The following BPIFB3 variants were observed in gnomAD, a reference collection of about 807,000 sequenced individuals.
BPIFB3 encodes BPI fold-containing family B member 3.
BPIFB3 carries 49 observed loss-of-function variants against 53.1 expected under a neutral mutation model. That is an observed-to-expected ratio of 0.92 (90% confidence interval 0.73 to 1.17). The LOEUF is 1.17. BPIFB3 is among the 50% of genes most tolerant of loss of function. The probability of loss-of-function intolerance (pLI) is 0.00; values close to 1 mark genes in which losing one functional copy is unlikely to be tolerated. For synonymous variants in BPIFB3, 271 were observed against 269.6 expected, an observed-to-expected ratio of 1.01 and a Z score of -0.05; for missense variants, 628 against 592.5, an observed-to-expected ratio of 1.06 and a Z score of -0.62.
At chr20:33,057,224 T>A (rs1980247724) in intron 2 of BPIFB3, among the ~76,000 whole-genome samples, 1 of 152,152 alleles carries the variant, frequency 6.6e-6, no homozygotes. Context: ...AGTCTTGCTT[T>A]GTTGCCCAGG....
chr20:33,068,285 C>G lies in BPIFB3; in HGVS notation c.979-518C>G, dbSNP rs192348024. On this transcript the variant is annotated intron_variant, in intron 9 of 14. Transcript: ENST00000375494. ...GGCGAAGCTGGCTTAGGAGTGCTGG[C>G]TGGTGCTTTTAGACATGGTGCTTTG... Among the ~76,000 whole-genome samples, 406 of 152,342 alleles carry G rather than the reference C, an allele frequency of 2.7e-3. 2 individuals carry two copies. The highest frequency in any genetic ancestry group is 9.4e-3 in the African/African-American group (390 of 41,590).
chr20:33,058,229 G>C (rs1301622055), intron 2 of BPIFB3, among the ~76,000 whole-genome samples: 1 of 152,214 alleles, frequency 6.6e-6, no homozygotes, highest in Non-Finnish European at 1.5e-5. Flanking sequence ...TGGGGTACTG[G>C]GAGCGGAAAG....
At chr20:33,055,647 TGTGATTCTCAGCTGC>T in intron 1 of BPIFB3, 100 bp downstream of exon 2, 1 of 1,543,354 alleles carries the variant, frequency 6.5e-7, no homozygotes. Context: ...AAGAGCAGGT[TGTGATTCTCAGCTGC>T]TTAGAGAGCA....
chr20:33,070,623 C>T (rs1980845875), intron 11 of BPIFB3, among the ~76,000 whole-genome samples: 1 of 152,220 alleles, frequency 6.6e-6, no homozygotes, highest in Non-Finnish European at 1.5e-5. Flanking sequence ...TAGGGACTTT[C>T]CTGGAGATTG....
intron 4 of BPIFB3, among the ~76,000 whole-genome samples, chr20:33,061,441 C>T (rs1181545036): frequency 6.6e-6 from 1 of 152,156 alleles, no homozygotes; most frequent in Non-Finnish European, 1.5e-5. Context: ...GCCTAAATGT[C>T]TCTTGTCTAC....
chr20:33,061,768 G>T, exon 5 of BPIFB3: 1 of 1,614,176 alleles, frequency 6.2e-7, no homozygotes, highest in Non-Finnish European at 8.5e-7. Flanking sequence ...CTCTGCTCAG[G>T]CTGCTGCCCA....
chr20:33,057,550 A>G (rs951009158), intron 2 of BPIFB3, among the ~76,000 whole-genome samples: 1 of 152,248 alleles, frequency 6.6e-6, no homozygotes, highest in Non-Finnish European at 1.5e-5. Flanking sequence ...CCCCTCACAC[A>G]GGATTCCAGA....
chr20:33,071,393 C>A, intron 12 of BPIFB3, 98 bp downstream of exon 13: 3 of 1,357,450 alleles, frequency 2.2e-6, no homozygotes, highest in Non-Finnish European at 3.1e-6. Context: ...TATGACTGAG[C>A]TGACCTCAGG....
intron 8 of BPIFB3, among the ~76,000 whole-genome samples, chr20:33,066,278 G>C (rs1457167176): frequency 6.6e-6 from 1 of 152,212 alleles, no homozygotes; most frequent in East Asian, 1.9e-4. Context: ...AGGGGAGGGG[G>C]TGCAGGCTCA....
intron 9 of BPIFB3, 74 bp downstream of exon 10, chr20:33,066,951 C>A: frequency 6.8e-7 from 1 of 1,464,640 alleles, no homozygotes; most frequent in East Asian, 2.3e-5. Flanking sequence ...CAGAATCTTT[C>A]TCAATACAGC....
chr20:33,073,487 C>A (rs760715380), intron 14 of BPIFB3, 89 bp from the exon 16 acceptor site: 59 of 1,434,910 alleles, frequency 4.1e-5, no homozygotes, highest in Non-Finnish European at 5.5e-5. Flanking sequence ...GGTACAGGGC[C>A]AATCCCAGGG....
At chr20:33,072,827 C>T (rs916470802) in intron 14 of BPIFB3, 34 bp downstream of exon 15, 1 of 1,547,540 alleles carries the variant, frequency 6.5e-7, no homozygotes, top group Non-Finnish European at 8.9e-7. Context: ...CCCAGGTGGG[C>T]CTTAAGCTTG....
At chr20:33,057,742 A>G (rs1980281933) in intron 2 of BPIFB3, among the ~76,000 whole-genome samples, 1 of 152,080 alleles carries the variant, frequency 6.6e-6, no homozygotes, top group Non-Finnish European at 1.5e-5. Flanking sequence ...TTGCTCATAT[A>G]GGATTCCAGA....
At chr20:33,070,243 C>A (rs1197526566) in intron 11 of BPIFB3, among the ~76,000 whole-genome samples, 1 of 152,140 alleles carries the variant, frequency 6.6e-6, no homozygotes, top group African/African-American at 2.4e-5. Flanking sequence ...GATGTGGAGT[C>A]CAAACTCCTG....
chr20:33,064,432 T>A (rs1161504726), intron 6 of BPIFB3, 25 bp from the exon 8 acceptor site: 3 of 1,597,216 alleles, frequency 1.9e-6, no homozygotes, highest in Non-Finnish European at 2.6e-6. Context: ...TATAGGGTCG[T>A]TCTCGCCCCC....
chr20:33,062,833 A>G (rs1358629801), intron 5 of BPIFB3, among the ~76,000 whole-genome samples: 1 of 152,192 alleles, frequency 6.6e-6, no homozygotes, highest in Non-Finnish European at 1.5e-5. Context: ...CATCCCCAGC[A>G]GAGCCCCTCT....
At chr20:33,070,589 G>T (rs1242619582) in intron 11 of BPIFB3, among the ~76,000 whole-genome samples, 1 of 152,238 alleles carries the variant, frequency 6.6e-6, no homozygotes, top group Non-Finnish European at 1.5e-5. Flanking sequence ...CAGGGCCCCG[G>T]CCTGTCTGTC....
chr20:33,066,762 G>T, intron 8 of BPIFB3, 62 bp from the exon 10 acceptor site: 1 of 1,525,964 alleles, frequency 6.6e-7, no homozygotes, highest in African/African-American at 1.4e-5. Context: ...TGCTCTGAGT[G>T]TGCTGAGGGA....
chr20:33,066,893 A>C lies in BPIFB3; in HGVS notation c.978+16A>C, dbSNP rs55668794. 6.2e-7 allele frequency: 1 copy of C among 1,612,544 alleles called. No individual in the cohort carries two copies. Among genetic ancestry groups the C allele is most frequent in the East Asian group, 2.2e-5 (1 of 44,874 alleles). ...GCTCCCTGAGGTGAGTGACGCTCTC[A>C]TGGGTTTTGATCATTGTAGCTCTTT... On this transcript the variant is annotated intron_variant, in intron 9 of 14. Coordinates refer to ENST00000375494, the Ensembl canonical transcript of BPIFB3.
Sources: allele counts gnomAD v4.1 joint callset (sites outside exome capture counted in the v4.1 genomes callset), GRCh38; gene constraint gnomAD v4.1.1; transcripts MANE v1.5; gene names NCBI Gene and HGNC (gene_info 2026-07-23, HGNC 2026-07-21).